Variants in THAP4 observed in about 807,000 individuals in gnomAD.
THAP4 encodes the protein THAP domain containing 4, also known as peroxynitrite isomerase THAP4.
A neutral mutation model predicts 48.1 loss-of-function variants in THAP4; 18 were observed. The observed-to-expected ratio is 0.37, with a 90% CI of 0.26 to 0.56. The LOEUF (loss-of-function observed/expected upper bound fraction) is 0.56, where lower values mean the gene tolerates loss of function less well. Among genes scored for constraint, THAP4 ranks in the 20% least tolerant of loss-of-function variants. THAP4 has a pLI of 0.78. For missense variants in THAP4, 656 were observed against 774.9 expected (o/e 0.85, Z 1.82); for synonymous variants, 345 against 324.9 (o/e 1.06, Z -0.66).
intron 2 of THAP4, among the ~76,000 whole-genome samples, chr2:241,621,345 C>G (rs535677433): frequency 6.6e-6 from 1 of 152,176 alleles, no homozygotes; most frequent in African/African-American, 2.4e-5. Context: ...AAGACTCCAT[C>G]TCAAAATAAT....
At chr2:241,585,466 T>C (rs1344904117) in intron 5 of THAP4, among the ~76,000 whole-genome samples, 1 of 152,132 alleles carries the variant, frequency 6.6e-6, no homozygotes, top group African/African-American at 2.4e-5. Context: ...GACTACTCTG[T>C]AACTGACCAA....
chr2:241,611,101 C>T (rs1296619987), intron 2 of THAP4, among the ~76,000 whole-genome samples: 1 of 152,152 alleles, frequency 6.6e-6, no homozygotes, highest in Non-Finnish European at 1.5e-5. Flanking sequence ...AACACACATA[C>T]GGATGCTGTG....
At chr2:241,619,448 G>A (rs1176178250) in intron 2 of THAP4, among the ~76,000 whole-genome samples, 1 of 152,234 alleles carries the variant, frequency 6.6e-6, no homozygotes, top group Admixed American at 6.5e-5. Context: ...TAGGCTGTAT[G>A]GCACAGCCTG....
intron 5 of THAP4, among the ~76,000 whole-genome samples, chr2:241,593,826 A>G (rs1327549453): frequency 6.6e-6 from 1 of 152,156 alleles, no homozygotes; most frequent in East Asian, 1.9e-4. Context: ...AGCTGGAACT[A>G]CAGGCATGCC....
intron 3 of THAP4, 124 bp downstream of exon 3, chr2:241,606,190 A>G (rs752896138): frequency 6.9e-6 from 6 of 874,822 alleles, no homozygotes; most frequent in Admixed American, 3.1e-5. Flanking sequence ...CCTTTCTGAA[A>G]TAGATGGACA....
At chr2:241,634,137 A>G (rs748388927) in intron 1 of THAP4, 58 bp from the exon 2 acceptor site, 5 of 1,355,414 alleles carry the variant, frequency 3.7e-6, no homozygotes, top group Admixed American at 2.5e-5. Flanking sequence ...CCTTAAAATA[A>G]TCAACTGTAA....
intron 3 of THAP4, among the ~76,000 whole-genome samples, chr2:241,604,135 G>A (rs1033301943): frequency 2.0e-5 from 3 of 152,036 alleles, no homozygotes; most frequent in South Asian, 2.1e-4. Context: ...CAGGCTCGTC[G>A]CGGTCTCAGC....
At chr2:241,587,901 G>C (rs1246292993) in intron 5 of THAP4, among the ~76,000 whole-genome samples, 4 of 150,494 alleles carry the variant, frequency 2.7e-5, no homozygotes, top group Non-Finnish European at 1.5e-5. Context: ...GGCAACAAGA[G>C]AGAAACTCCA....
intron 2 of THAP4, among the ~76,000 whole-genome samples, chr2:241,619,755 T>G: frequency 5.7e-5 from 5 of 86,962 alleles, no homozygotes; most frequent in East Asian, 3.4e-4. Context: ...GGTGAGTGAG[T>G]TGGTGAGTGA....
At chr2:241,584,882 C>T (rs1247677298) in intron 5 of THAP4, 157 bp from the exon 6 acceptor site, 1 of 860,824 alleles carries the variant, frequency 1.2e-6, no homozygotes, top group Non-Finnish European at 1.8e-6. Context: ...GGCCCCTGGG[C>T]ATGTCACAAT....
chr2:241,622,522 G>C (rs1233853402), intron 2 of THAP4, among the ~76,000 whole-genome samples: 13 of 152,034 alleles, frequency 8.6e-5, no homozygotes, highest in Admixed American at 8.5e-4. Flanking sequence ...AAAAAAGGGA[G>C]AGCATCAGAG....
upstream of THAP4, chr2:241,637,415 T>G (rs2067695215): frequency 6.9e-7 from 1 of 1,454,680 alleles, no homozygotes; most frequent in South Asian, 1.3e-5. Context: ...CCTCGACAAC[T>G]GCTCCTGGGT....
chr2:241,587,316 C>A (rs193125305), intron 5 of THAP4, among the ~76,000 whole-genome samples: 1 of 152,176 alleles, frequency 6.6e-6, no homozygotes, highest in Non-Finnish European at 1.5e-5. Context: ...CTTCCTCCCC[C>A]GTCCTTGGAC....
At chr2:241,606,521 C>T (rs766049474) in intron 2 of THAP4, 48 bp from the exon 3 acceptor site, 30 of 1,519,088 alleles carry the variant, frequency 2.0e-5, no homozygotes, top group Non-Finnish European at 2.5e-5. Context: ...CCAACCATGC[C>T]TTGCTGAGCT....
intron 2 of THAP4, among the ~76,000 whole-genome samples, chr2:241,626,154 T>TA (rs754308254): frequency 8.5e-5 from 13 of 152,118 alleles, no homozygotes; most frequent in Non-Finnish European, 1.3e-4. Context: ...AAAGGACATA[T>TA]AAAAAAACTA....
chr2:241,636,009 G>C (rs772975230), intron 1 of THAP4, among the ~76,000 whole-genome samples: 2 of 152,004 alleles, frequency 1.3e-5, no homozygotes, highest in African/African-American at 4.8e-5. Context: ...CCCATACCAT[G>C]TTAGACCGTT....
chr2:241,586,690 C>T lies in THAP4; in HGVS notation c.1615-1965G>A, dbSNP rs78088495. On this transcript the variant is annotated intron_variant, in intron 5 of 5. Coordinates refer to ENST00000407315, the MANE Select transcript of THAP4 (RefSeq NM_015963.6). ...AAAGATTAAAATATAAATTCTACAACTGAAAAACATAATAACTCAAATTAA... is the reference window on the plus strand; with the variant it reads ...AAAGATTAAAATATAAATTCTACAATTGAAAAACATAATAACTCAAATTAA... Among the ~76,000 whole-genome samples, 258 of 152,078 alleles carry T rather than the reference C, an allele frequency of 1.7e-3. 7 individuals carry two copies. The East Asian group carries it at 0.038, about 23-fold the overall frequency.
intron 5 of THAP4, among the ~76,000 whole-genome samples, chr2:241,590,943 A>T (rs71217044): frequency 0.058 from 507 of 8,806 alleles, no homozygotes; most frequent in Admixed American, 0.076. Flanking sequence ...ACTAGGACAC[A>T]CAGAGCTGCT....
intron 2 of THAP4, among the ~76,000 whole-genome samples, chr2:241,630,155 T>C (rs556827487): frequency 1.6e-4 from 25 of 152,146 alleles, no homozygotes; most frequent in Non-Finnish European, 3.2e-4. Flanking sequence ...CTGAAAAATC[T>C]GTCAACACCC....
Sources: gnomAD v4.1 joint callset for allele counts (sites outside exome capture counted in the v4.1 genomes callset) on GRCh38, gnomAD v4.1.1 for gene constraint, MANE v1.5 for transcripts, NCBI Gene and HGNC (gene_info 2026-07-23, HGNC 2026-07-21) for gene names.